The following PLXNA4 variants were observed in gnomAD, a reference collection of about 807,000 sequenced individuals.
The protein encoded by PLXNA4 is plexin-A4.
A neutral mutation model predicts 191.8 loss-of-function variants in PLXNA4; 44 were observed. That is an observed-to-expected ratio of 0.23 (90% CI 0.18 to 0.29). The LOEUF (loss-of-function observed/expected upper bound fraction) is 0.29, where lower values mean the gene tolerates loss of function less well. Among genes scored for constraint, PLXNA4 ranks in the 10% least tolerant of loss-of-function variants. The pLI, the probability that PLXNA4 is intolerant of heterozygous loss-of-function variation, is 1.00. For missense variants in PLXNA4, 1,800 were observed against 2,488.8 expected (o/e 0.72, Z 5.89); for synonymous variants, 1,082 against 1,009.5 (o/e 1.07, Z -1.36).
intron 30 of PLXNA4, among the ~76,000 whole-genome samples, chr7:132,139,751 C>T (rs1352665119): frequency 2.0e-5 from 3 of 152,204 alleles, no homozygotes; most frequent in African/African-American, 7.2e-5. Context: ...GGCTTGGGAT[C>T]TAGTTTCATC....
chr7:132,287,162 G>T (rs1800713354), intron 4 of PLXNA4, among the ~76,000 whole-genome samples: 2 of 152,154 alleles, frequency 1.3e-5, no homozygotes, highest in Non-Finnish European at 1.5e-5. Flanking sequence ...AGCCTTCCAG[G>T]TAGCTGAGAC....
chr7:132,624,072 G>A (rs564203160), intron 2 of PLXNA4, among the ~76,000 whole-genome samples: 2 of 152,174 alleles, frequency 1.3e-5, no homozygotes, highest in African/African-American at 2.4e-5. Flanking sequence ...TCAATATTCA[G>A]AACCTACTAT....
At chr7:132,534,214 A>G (rs1306751501) in intron 1 of PLXNA4, among the ~76,000 whole-genome samples, 2 of 152,320 alleles carry the variant, frequency 1.3e-5, no homozygotes, top group South Asian at 2.1e-4. Flanking sequence ...ATACAAGACT[A>G]CTTGGCTGGA....
At chr7:132,186,194 G>T (rs565057340) in intron 15 of PLXNA4, among the ~76,000 whole-genome samples, 9 of 152,134 alleles carry the variant, frequency 5.9e-5, no homozygotes, top group Non-Finnish European at 1.2e-4. Flanking sequence ...CTCCTGCCTT[G>T]CTCCTACCCC....
chr7:132,394,140 A>G (rs879473433), intron 3 of PLXNA4, among the ~76,000 whole-genome samples: 16 of 152,108 alleles, frequency 1.1e-4, no homozygotes, highest in Non-Finnish European at 2.1e-4. Flanking sequence ...GGGGAAGGGA[A>G]CAGTTTGTGC....
At chr7:132,214,950 T>G (rs1386165659) in intron 9 of PLXNA4, among the ~76,000 whole-genome samples, 2 of 152,004 alleles carry the variant, frequency 1.3e-5, no homozygotes, top group African/African-American at 4.8e-5. Flanking sequence ...CCGGGGTGAG[T>G]GGACATTCAG....
At chr7:132,337,955 T>C (rs528827228) in intron 3 of PLXNA4, among the ~76,000 whole-genome samples, 1 of 152,298 alleles carries the variant, frequency 6.6e-6, no homozygotes, top group South Asian at 2.1e-4. Flanking sequence ...CTCTAAGTTT[T>C]TCCTGGGGCA....
intron 4 of PLXNA4, among the ~76,000 whole-genome samples, chr7:132,294,076 A>G (rs1800988270): frequency 6.6e-6 from 1 of 152,246 alleles, no homozygotes; most frequent in African/African-American, 2.4e-5. Context: ...ATAATACAGA[A>G]CAATTATTAA....
intron 1 of PLXNA4, among the ~76,000 whole-genome samples, chr7:132,550,208 C>A (rs188939356): frequency 7.2e-5 from 11 of 152,140 alleles, no homozygotes; most frequent in African/African-American, 2.7e-4. Context: ...TACCCCTGAC[C>A]CCCACAGCAT....
chr7:132,536,219 G>C (rs10273834), intron 1 of PLXNA4, among the ~76,000 whole-genome samples: 151,418 of 152,340 alleles, frequency 0.99, 75,264 homozygotes, highest in Middle Eastern at 1. Flanking sequence ...CTGCTGTATT[G>C]GTGTTTGCGG....
chr7:132,511,025 T>C (rs1449411444), intron 1 of PLXNA4, among the ~76,000 whole-genome samples: 2 of 129,628 alleles, frequency 1.5e-5, no homozygotes, highest in African/African-American at 6.1e-5. Context: ...GCCTTAGCCT[T>C]TGCAGAAGGA....
intron 1 of PLXNA4, among the ~76,000 whole-genome samples, chr7:132,509,793 C>T (rs1215133014): frequency 2.0e-5 from 3 of 152,136 alleles, no homozygotes; most frequent in African/African-American, 7.2e-5. Context: ...TCTGTGCCTC[C>T]TCTGCTGGAT....
Position 132,323,801 on chromosome 7 carries a change from C to G in PLXNA4, c.1372-25579G>C, listed in dbSNP as rs115405684. On this transcript the variant is annotated intron_variant, in intron 3 of 31. Transcript: ENST00000321063. ...GGAGACTTGCAGGTTTGATTTTTCT[C>G]ACTGTTTAAATATCTGGGTGGCTGC... 9.9e-3 allele frequency among the ~76,000 whole-genome samples: 1,502 copies of G among 152,254 alleles called. 33 individuals carry two copies. The highest frequency in any genetic ancestry group is 0.034 in the African/African-American group (1,428 of 41,538).
intron 3 of PLXNA4, among the ~76,000 whole-genome samples, chr7:132,317,006 T>G (rs995099261): frequency 6.6e-6 from 1 of 152,128 alleles, no homozygotes; most frequent in East Asian, 1.9e-4. Context: ...TAGGTTGGGT[T>G]TTGTTAAATT....
intron 3 of PLXNA4, among the ~76,000 whole-genome samples, chr7:132,379,741 A>G (rs572546900): frequency 2.0e-5 from 3 of 152,236 alleles, no homozygotes; most frequent in African/African-American, 4.8e-5. Context: ...ACCAGGGAAG[A>G]GCCAATCTTA....
chr7:132,229,208 C>T (rs570566468), intron 5 of PLXNA4, among the ~76,000 whole-genome samples: 9 of 152,202 alleles, frequency 5.9e-5, no homozygotes, highest in Admixed American at 1.3e-4. Context: ...TAGTTAAAAG[C>T]TTGCTCTGGA....
At chr7:132,234,713 A>G (rs1221443012) in intron 5 of PLXNA4, among the ~76,000 whole-genome samples, 1 of 151,960 alleles carries the variant, frequency 6.6e-6, no homozygotes. Context: ...CTGCTAAGCC[A>G]TTGGAGAGGA....
At chr7:132,333,402 G>C (rs1030862489) in intron 3 of PLXNA4, among the ~76,000 whole-genome samples, 9 of 151,710 alleles carry the variant, frequency 5.9e-5, no homozygotes, top group Non-Finnish European at 1.2e-4. Context: ...AAGAGGAAGA[G>C]GGAGGTGGGG....
intron 12 of PLXNA4, among the ~76,000 whole-genome samples, chr7:132,199,263 T>A (rs996072986): frequency 1.3e-5 from 2 of 152,244 alleles, no homozygotes; most frequent in African/African-American, 4.8e-5. Context: ...ACCATCTTTA[T>A]GTCTTGCGTT....
Sources: allele counts gnomAD v4.1 joint callset (sites outside exome capture counted in the v4.1 genomes callset), GRCh38; gene constraint gnomAD v4.1.1; transcripts MANE v1.5; gene names NCBI Gene and HGNC (gene_info 2026-07-23, HGNC 2026-07-21).